Variants in PSD3 observed in about 807,000 individuals in gnomAD.
PSD3 encodes the protein PH and SEC7 domain-containing protein 3.
PSD3 carries 49 observed loss-of-function variants against 105.5 expected under a neutral mutation model. That is an observed-to-expected ratio of 0.46 (90% CI 0.37 to 0.59). The LOEUF is 0.59. PSD3 is among the 20% of genes least tolerant of loss of function. The pLI is 0.00. For missense variants in PSD3, 1,561 were observed against 1,263.8 expected (o/e 1.24, Z -3.57); for synonymous variants, 557 against 457.8 (o/e 1.22, Z -2.77).
chr8:18,790,886 T>C (rs1012399594), intron 8 of PSD3, among the ~76,000 whole-genome samples: 3 of 151,978 alleles, frequency 2.0e-5, no homozygotes, highest in Non-Finnish European at 4.4e-5. Context: ...AGTCTCAGGA[T>C]ACAAAGATCA....
chr8:18,997,446 C>G (rs1165309221), intron 1 of PSD3, among the ~76,000 whole-genome samples: 2 of 151,930 alleles, frequency 1.3e-5, no homozygotes, highest in Non-Finnish European at 2.9e-5. Flanking sequence ...ACCTAGGTTA[C>G]AACAGCCTCC....
intron 8 of PSD3, among the ~76,000 whole-genome samples, chr8:18,778,852 G>C (rs1384266617): frequency 1.3e-5 from 2 of 151,944 alleles, no homozygotes; most frequent in Non-Finnish European, 2.9e-5. Flanking sequence ...GTTAGATTTG[G>C]TGTGCTGGTA....
intron 9 of PSD3, among the ~76,000 whole-genome samples, chr8:18,674,980 G>A (rs1457719100): frequency 1.3e-5 from 2 of 151,912 alleles, no homozygotes; most frequent in Non-Finnish European, 2.9e-5. Flanking sequence ...CAGCTTGGGT[G>A]ACAAAGTGAG....
At chr8:18,769,155 T>G (rs958930023) in intron 8 of PSD3, among the ~76,000 whole-genome samples, 1 of 152,240 alleles carries the variant, frequency 6.6e-6, no homozygotes, top group Non-Finnish European at 1.5e-5. Context: ...AATACCTTTT[T>G]AGATATGTTC....
chr8:18,772,240 T>C (rs1242360709), intron 8 of PSD3, among the ~76,000 whole-genome samples: 1 of 152,200 alleles, frequency 6.6e-6, no homozygotes, highest in African/African-American at 2.4e-5. Flanking sequence ...TTTATATATA[T>C]ACGTGCAGAA....
chr8:18,812,929 A>G lies in PSD3; in HGVS notation c.1635-8031T>C, dbSNP rs79576539. ...TCACTATAGGTCTAAAGAGAGGAAC[A>G]ACAATCAGACTTGGGTTTTGGTAAG... On this transcript the variant is annotated intron_variant, in intron 4 of 15. Coordinates refer to ENST00000327040, the MANE Select transcript of PSD3 (RefSeq NM_015310.4). 2.1e-4 allele frequency among the ~76,000 whole-genome samples: 32 copies of G among 152,304 alleles called. No individual in the cohort carries two copies. The East Asian group carries it at 6.2e-3, about 29-fold the overall frequency.
chr8:18,644,276 T>G (rs143388898), intron 10 of PSD3, among the ~76,000 whole-genome samples: 2 of 152,380 alleles, frequency 1.3e-5, no homozygotes, highest in Non-Finnish European at 2.9e-5. Flanking sequence ...TCTCCTTTAA[T>G]TATCGTTCTA....
intron 14 of PSD3, among the ~76,000 whole-genome samples, chr8:18,558,279 T>G (rs1203806176): frequency 6.6e-6 from 1 of 152,236 alleles, no homozygotes; most frequent in African/African-American, 2.4e-5. Flanking sequence ...CCTAATAGAC[T>G]TCTTGACAAA....
At chr8:18,971,268 G>A (rs1049941798) in intron 1 of PSD3, among the ~76,000 whole-genome samples, 5 of 152,154 alleles carry the variant, frequency 3.3e-5, no homozygotes, top group Admixed American at 2.6e-4. Context: ...GGACACCCAG[G>A]CTCAGGCGGG....
At chr8:18,671,795 C>T (rs1235771630) in intron 9 of PSD3, among the ~76,000 whole-genome samples, 1 of 152,050 alleles carries the variant, frequency 6.6e-6, no homozygotes, top group Non-Finnish European at 1.5e-5. Context: ...TGACGTCCGG[C>T]TAATTTTTTG....
rs1181603320 is a variant in PSD3 at position 19,084,702 on chromosome 8, G to A, written c.-173C>T. On this transcript the variant is annotated 5_prime_UTR_variant, in exon 1 of 2. Coordinates refer to the PSD3 transcript ENST00000521475. The stretch of plus-strand genomic sequence containing the variant: ...CTTCTTTTCCTTTGGAGCAGAGCAA[G>A]TGAAAGCAGCTGATTCCTCCGTCTC... The A allele has an allele frequency of 2.8e-5, 9 of 326,532 alleles. No homozygotes were observed. In the East Asian group the frequency reaches 5.6e-4, roughly 20 times the overall value. 20.2% of individuals were successfully genotyped at this position (326,532 alleles called of 1,614,324 possible).
At chr8:18,648,976 G>A (rs1808263213) in intron 10 of PSD3, among the ~76,000 whole-genome samples, 1 of 152,268 alleles carries the variant, frequency 6.6e-6, no homozygotes, top group Admixed American at 6.5e-5. Context: ...GTCAGAGAAT[G>A]TATGGAAAAG....
At position 18,666,737 on chromosome 8, in the gene PSD3, G is replaced by A. The variant is rs911294672; in HGVS notation, c.2173-11052C>T. 9.5e-5 allele frequency among the ~76,000 whole-genome samples: 14 copies of A among 147,320 alleles called. 1 individual carries two copies. Among genetic ancestry groups the A allele is most frequent in the African/African-American group, 3.5e-4 (14 of 39,932 alleles). On this transcript the variant is annotated intron_variant, in intron 9 of 15. Transcript: ENST00000327040. ...ATTGCTTTTTTTTGGGGGGTGGGGG[G>A]AAGTAGCTGGAAGCACACATTATTC...
intron 4 of PSD3, among the ~76,000 whole-genome samples, chr8:18,858,640 G>C (rs1816209420): frequency 6.6e-6 from 1 of 151,894 alleles, no homozygotes; most frequent in Non-Finnish European, 1.5e-5. Context: ...ATCCTTTGTA[G>C]TCATCTCAAT....
intron 14 of PSD3, among the ~76,000 whole-genome samples, chr8:18,560,103 C>G (rs937315690): frequency 8.6e-5 from 13 of 151,876 alleles, no homozygotes; most frequent in African/African-American, 3.1e-4. Flanking sequence ...TGCCAAGTGG[C>G]TCTTACGGAC....
chr8:18,710,696 T>G (rs1802199005), intron 9 of PSD3, among the ~76,000 whole-genome samples: 2 of 152,122 alleles, frequency 1.3e-5, no homozygotes, highest in Non-Finnish European at 2.9e-5. Flanking sequence ...CAATTTTTTT[T>G]TTTGAGATGG....
intron 8 of PSD3, chr8:18,774,616 G>T: frequency 2.6e-6 from 1 of 380,640 alleles, no homozygotes; most frequent in South Asian, 2.2e-5. Flanking sequence ...TTGGTCTTCA[G>T]GTTCTCCCTA....
At chr8:18,953,421 C>T (rs954057391) in intron 1 of PSD3, among the ~76,000 whole-genome samples, 4 of 152,116 alleles carry the variant, frequency 2.6e-5, no homozygotes, top group Admixed American at 2.6e-4. Flanking sequence ...TTTGTAATAG[C>T]AAAAGCTAGA....
chr8:18,916,258 C>G (rs751953397), intron 2 of PSD3, among the ~76,000 whole-genome samples: 47 of 137,008 alleles, frequency 3.4e-4, no homozygotes, highest in Non-Finnish European at 6.6e-4. Flanking sequence ...TGAAATTGAC[C>G]TCAGTGTCTA....
Sources: allele counts gnomAD v4.1 joint callset (sites outside exome capture counted in the v4.1 genomes callset), GRCh38; gene constraint gnomAD v4.1.1; transcripts MANE v1.5; gene names NCBI Gene and HGNC (gene_info 2026-07-23, HGNC 2026-07-21).